EEFSEC: variants seen among roughly 807,000 people sequenced by gnomAD.
EEFSEC encodes eukaryotic elongation factor, selenocysteine-tRNA specific.
In EEFSEC, 43 loss-of-function variants were observed where a neutral mutation model predicts 42.1. The ratio of observed to expected loss-of-function variants is 1.02; its 90% CI spans 0.80 to 1.32. The LOEUF is 1.32. Among genes scored for constraint, EEFSEC ranks in the 40% most tolerant of loss-of-function variants. EEFSEC has a pLI of 0.00. For missense variants in EEFSEC, 745 were observed against 803.6 expected (o/e 0.93, Z 0.88); for synonymous variants, 354 against 339.1 (o/e 1.04, Z -0.48).
intron 1 of EEFSEC, among the ~76,000 whole-genome samples, chr3:128,187,185 A>G (rs1310292071): frequency 1.3e-5 from 2 of 152,200 alleles, no homozygotes; most frequent in Non-Finnish European, 2.9e-5. Context: ...CAGGGACCAC[A>G]TTTGAACCCG....
intron 5 of EEFSEC, among the ~76,000 whole-genome samples, chr3:128,347,661 G>A (rs2067329116): frequency 6.6e-6 from 1 of 152,132 alleles, no homozygotes; most frequent in Non-Finnish European, 1.5e-5. Context: ...AAATGTGAAT[G>A]GCCAAATTCT....
chr3:128,418,220 C>T, the EEFSEC span, among the ~76,000 whole-genome samples: 1 of 152,034 alleles, frequency 6.6e-6, no homozygotes, highest in African/African-American at 2.4e-5. Context: ...TGCACCCGCT[C>T]ATGACCCAGC....
the EEFSEC span, among the ~76,000 whole-genome samples, chr3:128,425,417 G>T: frequency 2.2e-4 from 33 of 152,164 alleles, no homozygotes; most frequent in Non-Finnish European, 4.3e-4. Context: ...AAGGACACTC[G>T]GGCTGCTTCC....
At chr3:128,394,526 T>A (rs2067957215) in intron 6 of EEFSEC, among the ~76,000 whole-genome samples, 1 of 152,340 alleles carries the variant, frequency 6.6e-6, no homozygotes, top group East Asian at 1.9e-4. Context: ...AAGACTTTTA[T>A]TGTCAATAAG....
At chr3:128,266,491 A>G (rs1401163636) in intron 4 of EEFSEC, among the ~76,000 whole-genome samples, 1 of 152,034 alleles carries the variant, frequency 6.6e-6, no homozygotes, top group Non-Finnish European at 1.5e-5. Flanking sequence ...AGCTCATTTT[A>G]CAGCAGTGTG....
chr3:128,180,731 C>G (rs972730626), intron 1 of EEFSEC, among the ~76,000 whole-genome samples: 2 of 152,192 alleles, frequency 1.3e-5, no homozygotes, highest in Non-Finnish European at 2.9e-5. Flanking sequence ...GCAGCAGGTC[C>G]AGAGCCAGCA....
intron 1 of EEFSEC, among the ~76,000 whole-genome samples, chr3:128,164,283 G>C (rs983064838): frequency 7.2e-5 from 11 of 152,326 alleles, no homozygotes; most frequent in African/African-American, 2.6e-4. Flanking sequence ...TCACAGTCCC[G>C]AGTAGGGAGG....
chr3:128,171,493 A>G lies in EEFSEC; in HGVS notation c.316+17670A>G, dbSNP rs545887196. Reference sequence around the variant, plus strand: ...TTGTTTGAAGCAAGGGGTCAAATGTATTTTCTCCCCCTTTCATATCAGTGT... The same window carrying G: ...TTGTTTGAAGCAAGGGGTCAAATGTGTTTTCTCCCCCTTTCATATCAGTGT... On this transcript the variant is annotated intron_variant, in intron 1 of 6. Coordinates refer to ENST00000254730, the MANE Select transcript of EEFSEC (RefSeq NM_021937.5). Among the ~76,000 whole-genome samples, 27 of 152,230 alleles carry G rather than the reference A, an allele frequency of 1.8e-4. 1 individual carries two copies. The South Asian group carries it at 4.6e-3, about 26-fold the overall frequency.
chr3:128,354,931 C>A (rs1209499799), intron 5 of EEFSEC, among the ~76,000 whole-genome samples: 2 of 152,202 alleles, frequency 1.3e-5, no homozygotes, highest in Non-Finnish European at 1.5e-5. Context: ...GGAACCAGCA[C>A]TGGGGACGTG....
intron 4 of EEFSEC, among the ~76,000 whole-genome samples, chr3:128,289,626 G>GT (rs971564764): frequency 6.6e-6 from 1 of 152,140 alleles, no homozygotes; most frequent in Admixed American, 6.5e-5. Flanking sequence ...ATAGGCTTGA[G>GT]TTTTTTTGTC....
At chr3:128,362,797 C>T (rs555158390) in intron 6 of EEFSEC, among the ~76,000 whole-genome samples, 1 of 152,342 alleles carries the variant, frequency 6.6e-6, no homozygotes, top group Admixed American at 6.5e-5. Flanking sequence ...GCCGCGGCCT[C>T]ATCCTAGCAG....
chr3:128,227,827 C>T (rs1284599369), intron 1 of EEFSEC, among the ~76,000 whole-genome samples: 1 of 152,194 alleles, frequency 6.6e-6, no homozygotes, highest in African/African-American at 2.4e-5. Context: ...ATCCTCCCCT[C>T]ATTCAGATTA....
chr3:128,409,286 A>G (rs1235108382), downstream of EEFSEC, among the ~76,000 whole-genome samples: 1 of 152,130 alleles, frequency 6.6e-6, no homozygotes, highest in Non-Finnish European at 1.5e-5. Context: ...TTATGCTTTA[A>G]TTTGCAAATG....
intron 4 of EEFSEC, among the ~76,000 whole-genome samples, chr3:128,329,500 G>T (rs2067103040): frequency 1.3e-5 from 2 of 152,132 alleles, no homozygotes; most frequent in African/African-American, 4.8e-5. Context: ...GAGATAAAGT[G>T]GGGGTCAAGT....
intron 1 of EEFSEC, among the ~76,000 whole-genome samples, chr3:128,215,139 G>A (rs1167979438): frequency 6.6e-6 from 1 of 152,134 alleles, no homozygotes; most frequent in East Asian, 1.9e-4. Flanking sequence ...CACACATTTG[G>A]GATCTCAATT....
At chr3:128,373,857 A>T (rs1489551126) in intron 6 of EEFSEC, among the ~76,000 whole-genome samples, 2 of 152,232 alleles carry the variant, frequency 1.3e-5, no homozygotes, top group African/African-American at 4.8e-5. Flanking sequence ...GAGAAAGCTT[A>T]AAAATCTGGG....
chr3:128,286,278 GTC>G (rs2066585136), intron 4 of EEFSEC, among the ~76,000 whole-genome samples: 1 of 152,194 alleles, frequency 6.6e-6, no homozygotes, highest in Non-Finnish European at 1.5e-5. Flanking sequence ...TCTATTCAGT[GTC>G]TGTCTCCACT....
chr3:128,265,485 T>G (rs1482983412), intron 4 of EEFSEC, among the ~76,000 whole-genome samples: 5 of 152,196 alleles, frequency 3.3e-5, no homozygotes, highest in Non-Finnish European at 5.9e-5. Context: ...CAAGAGAAAC[T>G]TACAGCCTCA....
chr3:128,422,091 G>A, the EEFSEC span, among the ~76,000 whole-genome samples: 2 of 152,152 alleles, frequency 1.3e-5, no homozygotes, highest in African/African-American at 2.4e-5. Flanking sequence ...ACCCTCTGGG[G>A]GGTCCCAGTT....
Sources: allele counts gnomAD v4.1 joint callset (sites outside exome capture counted in the v4.1 genomes callset), GRCh38; gene constraint gnomAD v4.1.1; transcripts MANE v1.5; gene names NCBI Gene and HGNC (gene_info 2026-07-23, HGNC 2026-07-21).